The following KRT39 variants were observed in gnomAD, a reference collection of about 807,000 sequenced individuals.
KRT39 encodes the protein keratin, type I cytoskeletal 39.
A neutral mutation model predicts 54.8 loss-of-function variants in KRT39; 47 were observed. That is an observed-to-expected ratio of 0.86 (90% CI 0.68 to 1.09). The LOEUF is 1.09. KRT39 is among the 50% of genes least tolerant of loss of function. The pLI is 0.00. For missense variants in KRT39, 580 were observed against 598.5 expected (o/e 0.97, Z 0.32); for synonymous variants, 207 against 227.9 (o/e 0.91, Z 0.83).
At chr17:40,966,304 CA>C (rs1180943945) in intron 1 of KRT39, 84 bp downstream of exon 1, 4 of 1,176,876 alleles carry the variant, frequency 3.4e-6, no homozygotes, top group African/African-American at 1.5e-5. Context: ...ATCAACTGAA[CA>C]AAAAATATTA....
Position 40,966,778 on chromosome 17 carries a change from T to C in KRT39, c.79A>G (p.Thr27Ala). ...QNCSRITNVS[T>A]ISSNNGCHPG... ...TGGCAGCCGTTGTTAGAAGAGATGG[T>C]ACTAACATTTGTAATCCTAGAGCAG... Residue 27 changes from threonine to alanine, a missense_variant, in exon 1 of 7, where the codon ACC (threonine) becomes GCC (alanine). Transcript: ENST00000355612. 6.2e-7 allele frequency: 1 copy of C among 1,614,220 alleles called. No homozygotes were observed. Among genetic ancestry groups the C allele is most frequent in the Non-Finnish European group, 8.5e-7 (1 of 1,180,040 alleles).
At chr17:40,964,280 C>T (rs1911271130) in intron 2 of KRT39, 166 bp downstream of exon 2, 1 of 656,940 alleles carries the variant, frequency 1.5e-6, no homozygotes, top group Admixed American at 2.5e-5. Flanking sequence ...TACATGTGAG[C>T]AGTTATTAAT....
In KRT39 at chr17:40,964,271, A is replaced by G. The variant is rs76031950; in HGVS notation, c.551+175T>C. ...AAGTTAGAAACTATAGGTACTGTAT[A>G]CATGTGAGCAGTTATTAATCTTAAT... On this transcript the variant is annotated intron_variant, in intron 2 of 6. Transcript: ENST00000355612. 1,008 of 640,710 alleles carry G rather than the reference A, an allele frequency of 1.6e-3. 26 individuals are homozygous for G. In the East Asian group the frequency reaches 0.025, roughly 16 times the overall value. 39.7% of individuals were successfully genotyped at this position (640,710 alleles called of 1,614,324 possible). A position where few individuals can be genotyped will look rare whatever the true frequency, so the allele number is the denominator to read the frequency against.
At chr17:40,964,834 G>A (rs190461133) in intron 1 of KRT39, among the ~76,000 whole-genome samples, 21 of 151,734 alleles carry the variant, frequency 1.4e-4, no homozygotes, top group Non-Finnish European at 2.4e-4. Flanking sequence ...AGGCTGAGGC[G>A]GGCGGATCAC....
intron 2 of KRT39, 43 bp from the exon 3 acceptor site, chr17:40,963,826 T>C (rs749291278): frequency 6.6e-7 from 1 of 1,512,322 alleles, no homozygotes; most frequent in African/African-American, 1.4e-5. Context: ...TGAAAGGAGA[T>C]GATGCAAACC....
chr17:40,963,487 C>A, intron 3 of KRT39, 140 bp downstream of exon 3: 1 of 723,286 alleles, frequency 1.4e-6, no homozygotes, highest in Non-Finnish European at 2.2e-6. Context: ...TTATAAATTA[C>A]CTACTCTCAG....
intron 5 of KRT39, 47 bp from the exon 6 acceptor site, chr17:40,960,548 C>A (rs1248080303): frequency 7.0e-7 from 1 of 1,431,104 alleles, no homozygotes; most frequent in Non-Finnish European, 9.9e-7. Context: ...CCTTTAAGCC[C>A]AGGTCACCTG....
At chr17:40,965,193 G>T (rs1252796329) in intron 1 of KRT39, among the ~76,000 whole-genome samples, 1 of 143,650 alleles carries the variant, frequency 7.0e-6, no homozygotes, top group East Asian at 2.0e-4. Flanking sequence ...GACAGAGCGA[G>T]ACTCCGTCTC....
intron 1 of KRT39, among the ~76,000 whole-genome samples, chr17:40,965,880 CTT>C (rs1911366810): frequency 6.6e-6 from 1 of 151,990 alleles, no homozygotes; most frequent in Non-Finnish European, 1.5e-5. Flanking sequence ...CCATGAGACT[CTT>C]CTTTTTGTTT....
chr17:40,961,734 C>G (rs1011678423), intron 5 of KRT39, among the ~76,000 whole-genome samples: 1 of 152,236 alleles, frequency 6.6e-6, no homozygotes, highest in South Asian at 2.1e-4. Context: ...TGCCACCCCC[C>G]CTCTTAGGAT....
chr17:40,960,723 G>C, intron 5 of KRT39: 1 of 576,870 alleles, frequency 1.7e-6, no homozygotes, highest in Non-Finnish European at 3.1e-6. Flanking sequence ...TTCTCTTTTT[G>C]CTTCTCTGTA....
At position 40,958,686 on chromosome 17, in the gene KRT39, A is replaced by T; in HGVS notation, c.1391T>A (p.Ile464Asn). Reference protein sequence around the residue: ...LSRILVKICTITKEIKDGKVI... With the variant: ...LSRILVKICTNTKEIKDGKVI... ...CTTCCCATCCTTAATCTCCTTGGTG[A>T]TGGTGCAAATTTTAACCAGTATCCG... The change falls in exon 7 of 7, where the codon ATC becomes AAC. Residue 464 changes from isoleucine to asparagine, a missense_variant. Transcript: ENST00000355612. 6.2e-7 allele frequency: 1 copy of T among 1,614,082 alleles called. No homozygotes were observed.
At chr17:40,960,789 C>T (rs1911120783) in intron 5 of KRT39, 2 of 490,620 alleles carry the variant, frequency 4.1e-6, no homozygotes, top group Admixed American at 3.7e-5. Flanking sequence ...ACCACACTTT[C>T]CTACTTAGGA....
chr17:40,958,984 T>C (rs1911023810), intron 6 of KRT39, 125 bp from the exon 7 acceptor site: 2 of 827,086 alleles, frequency 2.4e-6, no homozygotes, highest in Admixed American at 5.4e-5. Flanking sequence ...TCTAAATGCT[T>C]ATTCATTTAT....
At chr17:40,963,252 T>C (rs1849830104) in intron 3 of KRT39, among the ~76,000 whole-genome samples, 1 of 152,064 alleles carries the variant, frequency 6.6e-6, no homozygotes. Flanking sequence ...AGGGACCTAG[T>C]GGGAGGAGAT....
At chr17:40,964,180 A>G in intron 2 of KRT39, 2 of 481,874 alleles carry the variant, frequency 4.2e-6, no homozygotes, top group South Asian at 4.5e-5. Flanking sequence ...CACCTTAAAG[A>G]GAGTAACAAT....
intron 3 of KRT39, among the ~76,000 whole-genome samples, 185 bp from the exon 4 acceptor site, chr17:40,962,748 T>C (rs1005534086): frequency 3.9e-5 from 6 of 152,154 alleles, no homozygotes; most frequent in African/African-American, 1.4e-4. Flanking sequence ...CAGGTAGGAC[T>C]GTGTGTTTAA....
rs1294521981 is a variant in KRT39, at chr17:40,964,532, G to C, written c.469-4C>G. On this transcript the variant is annotated splice_polypyrimidine_tract_variant and splice_region_variant and intron_variant, in intron 1 of 6. Transcript: ENST00000355612. ...TCTCGGCCTTGGTACACAAGATCTA[G>C]AATTAAGAGATTGTACACACAAATG... The C allele has an allele frequency of 1.3e-6, 2 of 1,593,238 alleles. No homozygotes were observed. The highest frequency in any genetic ancestry group is 1.3e-5 in the African/African-American group (1 of 74,516).
At chr17:40,959,464 G>C (rs1911048448) in intron 6 of KRT39, among the ~76,000 whole-genome samples, 1 of 152,198 alleles carries the variant, frequency 6.6e-6, no homozygotes, top group Non-Finnish European at 1.5e-5. Context: ...GTAAAAAGCA[G>C]TTCATAGTAA....
Sources: gnomAD v4.1 joint callset for allele counts (sites outside exome capture counted in the v4.1 genomes callset) on GRCh38, gnomAD v4.1.1 for gene constraint, MANE v1.5 for transcripts, NCBI Gene and HGNC (gene_info 2026-07-23, HGNC 2026-07-21) for gene names.